The following RYR2 variants were observed in gnomAD, a reference collection of about 807,000 sequenced individuals.
The protein encoded by RYR2 is ryanodine receptor 2, also known as cardiac muscle ryanodine receptor-calcium release channel.
A neutral mutation model predicts 601.1 loss-of-function variants in RYR2; 227 were observed. That is an observed-to-expected ratio of 0.38 (90% CI 0.34 to 0.42). The LOEUF (loss-of-function observed/expected upper bound fraction) is 0.42. Ranked by LOEUF, RYR2 falls within the 10% of genes least tolerant of loss-of-function variation. RYR2 has a pLI of 1.00. For synonymous variants in RYR2, 2,223 were observed against 2,175.1 expected, an observed-to-expected ratio of 1.02 and a Z score of -0.61; for missense variants, 4,646 against 6,156.5, an observed-to-expected ratio of 0.75 and a Z score of 8.21.
chr1:237,585,818 C>T (rs757736604), intron 29 of RYR2, among the ~76,000 whole-genome samples: 7 of 151,964 alleles, frequency 4.6e-5, no homozygotes, highest in Non-Finnish European at 1.0e-4. Flanking sequence ...AATAGAAATA[C>T]CATCTACTGG....
chr1:237,406,623 T>A (rs1703933897), intron 10 of RYR2, among the ~76,000 whole-genome samples: 1 of 152,052 alleles, frequency 6.6e-6, no homozygotes, highest in South Asian at 2.1e-4. Flanking sequence ...CCCTAAAAAC[T>A]ACCTCCTTTT....
chr1:237,826,232 A>C (rs1030938954), intron 101 of RYR2, among the ~76,000 whole-genome samples: 3 of 152,194 alleles, frequency 2.0e-5, no homozygotes, highest in African/African-American at 7.2e-5. Context: ...TTATTGGGGC[A>C]CTGTTCACAA....
intron 43 of RYR2, among the ~76,000 whole-genome samples, chr1:237,634,423 T>C (rs1160655883): frequency 6.6e-6 from 1 of 152,066 alleles, no homozygotes; most frequent in Admixed American, 6.5e-5. Flanking sequence ...GTCGAACTCA[T>C]AGAAACAGAG....
chr1:237,360,267 T>A (rs1457571600), intron 4 of RYR2, among the ~76,000 whole-genome samples: 7 of 152,228 alleles, frequency 4.6e-5, no homozygotes. Flanking sequence ...GCTTTGTATG[T>A]CTTCAAGACA....
chr1:237,089,740 G>A (rs1415807670), intron 1 of RYR2, among the ~76,000 whole-genome samples: 1 of 152,200 alleles, frequency 6.6e-6, no homozygotes, highest in Non-Finnish European at 1.5e-5. Flanking sequence ...ACGTGATGCT[G>A]AAATGCAAAA....
At chr1:237,779,053 A>T (rs557752553) in intron 88 of RYR2, among the ~76,000 whole-genome samples, 84 of 152,310 alleles carry the variant, frequency 5.5e-4, no homozygotes, top group African/African-American at 1.7e-3. Context: ...CGAGTCCCCA[A>T]ACATTGTACA....
At chr1:237,258,199 AAAAG>A (rs1688179500) in intron 1 of RYR2, among the ~76,000 whole-genome samples, 1 of 151,732 alleles carries the variant, frequency 6.6e-6, no homozygotes, top group African/African-American at 2.4e-5. Context: ...GAAAAAGAAA[AAAAG>A]AAAAGGGCTT....
At chr1:237,462,438 G>A (rs1356173754) in intron 16 of RYR2, among the ~76,000 whole-genome samples, 1 of 152,188 alleles carries the variant, frequency 6.6e-6, no homozygotes, top group African/African-American at 2.4e-5. Flanking sequence ...AGTTGGAAAA[G>A]CATCACTGTG....
At chr1:237,213,193 T>C (rs1682783842) in intron 1 of RYR2, among the ~76,000 whole-genome samples, 1 of 152,102 alleles carries the variant, frequency 6.6e-6, no homozygotes, top group African/African-American at 2.4e-5. Flanking sequence ...AATATTTTTT[T>C]TTGACACAGA....
chr1:237,440,367 T>TA (rs1707799189), intron 12 of RYR2, among the ~76,000 whole-genome samples: 1 of 152,172 alleles, frequency 6.6e-6, no homozygotes, highest in South Asian at 2.1e-4. Flanking sequence ...CAAGGAAGGT[T>TA]AGACCAAGGA....
chr1:237,217,408 G>C (rs1683310178), intron 1 of RYR2, among the ~76,000 whole-genome samples: 1 of 150,592 alleles, frequency 6.6e-6, no homozygotes, highest in Non-Finnish European at 1.5e-5. Flanking sequence ...TTTTACTTTT[G>C]GATATCAGCT....
At chr1:237,661,043 A>G (rs748914043) in intron 56 of RYR2, 96 bp downstream of exon 56, 189 of 1,173,858 alleles carry the variant, frequency 1.6e-4, no homozygotes, top group Non-Finnish European at 1.7e-4. Context: ...AATAATCTGA[A>G]AATTCTGAAG....
chr1:237,808,677 A>G (rs1197298987), intron 99 of RYR2, among the ~76,000 whole-genome samples: 1 of 144,804 alleles, frequency 6.9e-6, no homozygotes. Flanking sequence ...AACAAAATAA[A>G]ATAAAATAAA....
intron 10 of RYR2, among the ~76,000 whole-genome samples, chr1:237,407,881 G>T (rs1233263980): frequency 6.6e-6 from 1 of 152,054 alleles, no homozygotes; most frequent in Non-Finnish European, 1.5e-5. Flanking sequence ...CTCCCAAAGT[G>T]CTGGGATTAC....
At chr1:237,191,204 T>A (rs1679932262) in intron 1 of RYR2, among the ~76,000 whole-genome samples, 1 of 152,174 alleles carries the variant, frequency 6.6e-6, no homozygotes. Context: ...GGTACCCTTG[T>A]CAAAAGTCAT....
chr1:237,051,622 C>G (rs991823483), intron 1 of RYR2, among the ~76,000 whole-genome samples: 4 of 152,104 alleles, frequency 2.6e-5, no homozygotes, highest in Admixed American at 6.5e-5. Flanking sequence ...CGTGGCCTAC[C>G]TACTGCTGTT....
At chr1:237,223,657 A>G (rs1684063257) in intron 1 of RYR2, among the ~76,000 whole-genome samples, 1 of 152,212 alleles carries the variant, frequency 6.6e-6, no homozygotes, top group Admixed American at 6.5e-5. Context: ...GTCCTGGGCC[A>G]TAAAAACTCT....
At chr1:237,300,992 G>A (rs960415674) in intron 2 of RYR2, among the ~76,000 whole-genome samples, 2 of 151,944 alleles carry the variant, frequency 1.3e-5, no homozygotes, top group South Asian at 2.1e-4. Context: ...TTGTGAAATC[G>A]AATTGATAAG....
At chr1:237,057,980 C>T (rs1026044379) in intron 1 of RYR2, among the ~76,000 whole-genome samples, 1 of 152,160 alleles carries the variant, frequency 6.6e-6, no homozygotes, top group Non-Finnish European at 1.5e-5. Flanking sequence ...CTCTATAAAG[C>T]TTTGTTGGTT....
Sources: allele counts gnomAD v4.1 joint callset (sites outside exome capture counted in the v4.1 genomes callset), GRCh38; gene constraint gnomAD v4.1.1; transcripts MANE v1.5; gene names NCBI Gene and HGNC (gene_info 2026-07-23, HGNC 2026-07-21).